The following SCN3A variants were observed in gnomAD, a reference collection of about 807,000 sequenced individuals.
SCN3A encodes the protein sodium channel protein type 3 subunit alpha.
SCN3A carries 60 observed loss-of-function variants against 187.6 expected under a neutral mutation model. That is an observed-to-expected ratio of 0.32 (90% confidence interval 0.26 to 0.40). SCN3A has a LOEUF of 0.40. SCN3A is among the 10% of genes least tolerant of loss of function. The pLI is 1.00. For synonymous variants in SCN3A, 788 were observed against 829.2 expected (o/e 0.95, Z 0.85); for missense variants, 1,601 against 2,428.2 (o/e 0.66, Z 7.16).
intron 22 of SCN3A, among the ~76,000 whole-genome samples, chr2:165,099,958 A>T (rs558788020): frequency 1.3e-5 from 2 of 152,054 alleles, no homozygotes; most frequent in African/African-American, 2.4e-5. Context: ...AGAGAAAGAA[A>T]CTCCCCACCA....
intron 1 of SCN3A, among the ~76,000 whole-genome samples, chr2:165,188,519 G>A (rs190155376): frequency 4.6e-5 from 7 of 152,306 alleles, no homozygotes; most frequent in African/African-American, 1.4e-4. Flanking sequence ...GCAGGGCGCG[G>A]TGGCTCACGC....
chr2:165,202,783 T>G (rs1246623272), intron 1 of SCN3A, among the ~76,000 whole-genome samples: 1 of 152,164 alleles, frequency 6.6e-6, no homozygotes, highest in East Asian at 1.9e-4. Context: ...ATGAAATGTT[T>G]CCATGCAAAT....
intron 2 of SCN3A, among the ~76,000 whole-genome samples, chr2:165,179,194 C>T (rs1280504598): frequency 1.3e-5 from 2 of 151,748 alleles, no homozygotes; most frequent in Non-Finnish European, 2.9e-5. Flanking sequence ...TCTTTATTGA[C>T]AATGAATGAA....
chr2:165,088,034 A>G lies in SCN3A; in HGVS notation c.*2116T>C, dbSNP rs1487243533. On this transcript the variant is annotated 3_prime_UTR_variant, in exon 28 of 28. Coordinates refer to ENST00000283254, the MANE Select transcript of SCN3A (RefSeq NM_006922.4). ...TGTTGTAAAATTCATGTAAACTTTT[A>G]TGTATACAAATGTCAGATCAAGCAC... 6.6e-6 allele frequency: 1 copy of G among 152,192 alleles called. No individual in the cohort carries two copies. Among genetic ancestry groups the G allele is most frequent in the Non-Finnish European group, 1.5e-5 (1 of 67,996 alleles). The allele number at this position is 152,192 out of a possible 1,614,324, so 9.4% of individuals were successfully genotyped here. A position where few individuals can be genotyped will look rare whatever the true frequency, so the allele number is the denominator to read the frequency against.
intron 10 of SCN3A, among the ~76,000 whole-genome samples, chr2:165,155,031 A>T (rs1334701402): frequency 6.6e-6 from 1 of 152,220 alleles, no homozygotes; most frequent in African/African-American, 2.4e-5. Context: ...TACCATCTAT[A>T]GATGACTTTT....
chr2:165,122,224 T>G (rs1392238619), intron 18 of SCN3A, among the ~76,000 whole-genome samples: 1 of 133,274 alleles, frequency 7.5e-6, no homozygotes, highest in Admixed American at 8.3e-5. Context: ...TCTTTTTTCT[T>G]TCTTTCTTTT....
At chr2:165,154,272 A>G (rs747267747) in intron 11 of SCN3A, among the ~76,000 whole-genome samples, 180 bp downstream of exon 11, 1 of 152,108 alleles carries the variant, frequency 6.6e-6, no homozygotes, top group Non-Finnish European at 1.5e-5. Flanking sequence ...TACAGTGGCT[A>G]AAAAGTTTGT....
intron 9 of SCN3A, among the ~76,000 whole-genome samples, chr2:165,159,152 G>A (rs1267300941): frequency 7.3e-6 from 1 of 137,920 alleles, no homozygotes. Flanking sequence ...ATGTGCAGTG[G>A]TAACTCCTTG....
intron 11 of SCN3A, 86 bp from the exon 12 acceptor site, chr2:165,147,115 C>T: frequency 2.0e-6 from 3 of 1,465,392 alleles, no homozygotes; most frequent in African/African-American, 2.8e-5. Context: ...ATTTAAGACT[C>T]ATTAACTACA....
Position 165,090,388 on chromosome 2 carries a change from T to G in SCN3A, c.5765A>C (p.Asn1922Thr), listed in dbSNP as rs147193145. Reference sequence around the variant, plus strand: ...CTCTTTGTTATAGTTACTTGATATATTTTTTAACCTTTGCTTTAAAAGATA... The same window carrying G: ...CTCTTTGTTATAGTTACTTGATATAGTTTTTAACCTTTGCTTTAAAAGATA... ...RCYLLKQRLK[N>T]ISSNYNKEAI... Residue 1922 changes from asparagine to threonine, a missense_variant, in exon 28 of 28, where the codon AAT becomes ACT. Physicochemically the swap from Asn to Thr is moderately conservative, Grantham distance 65. Coordinates refer to ENST00000283254, the MANE Select transcript of SCN3A (RefSeq NM_006922.4). This position sits in a 1 kb window ranked among gnomAD's most constrained non-coding sequence, Gnocchi z 4.0. 3 of 1,612,438 alleles carry G rather than the reference T, an allele frequency of 1.9e-6. No individual in the cohort carries two copies. In the African/African-American group the frequency reaches 4.0e-5, roughly 22 times the overall value.
intron 2 of SCN3A, among the ~76,000 whole-genome samples, chr2:165,180,320 A>G (rs1250237470): frequency 1.3e-5 from 2 of 152,224 alleles, no homozygotes; most frequent in Non-Finnish European, 1.5e-5. Flanking sequence ...TGAGAGTCCA[A>G]TGTGGGAGGC....
chr2:165,090,526 T>C lies in SCN3A; in HGVS notation c.5627A>G (p.Asp1876Gly), dbSNP rs1574087624. The change falls in exon 28 of 28, where the codon GAC (aspartate) becomes GGC (glycine). Residue 1876 changes from aspartate (D) to glycine (G), a missense_variant. Physicochemically the swap from Asp to Gly is moderately conservative, Grantham distance 94. Around this residue, in one of 11 missense-constraint regions of SCN3A, gnomAD observed 110 missense variants for 175.9 expected, o/e 0.63. Transcript: ENST00000283254. This position sits in a 1 kb window ranked among gnomAD's most constrained non-coding sequence, Gnocchi z 4.0. ...EMDALRIQME[D>G]RFMASNPSKV... ...GGAGGGGTTTGATGCCATAAACCTG[T>C]CTTCCATCTGTATTCGAAGGGCATC... 1.2e-6 allele frequency: 2 copies of C among 1,614,022 alleles called. No homozygotes were observed. The highest frequency in any genetic ancestry group is 1.7e-6 in the Non-Finnish European group (2 of 1,179,984).
At chr2:165,101,745 A>G (rs1685613969) in intron 21 of SCN3A, among the ~76,000 whole-genome samples, 1 of 152,226 alleles carries the variant, frequency 6.6e-6, no homozygotes, top group Admixed American at 6.5e-5. Flanking sequence ...AATGGATTTA[A>G]GTGAATCCTC....
chr2:165,093,051 A>G (rs1347558189), intron 26 of SCN3A: 2 of 152,766 alleles, frequency 1.3e-5, no homozygotes, highest in African/African-American at 2.4e-5. Flanking sequence ...CCTGTCTCTT[A>G]AAAAACAAAA....
At chr2:165,094,339 G>C in intron 26 of SCN3A, 35 bp downstream of exon 26, 1 of 1,465,494 alleles carries the variant, frequency 6.8e-7, no homozygotes, top group Non-Finnish European at 9.6e-7. Flanking sequence ...TGGACGCATG[G>C]CTTTGGAACA....
chr2:165,094,577 G>T lies in SCN3A; in HGVS notation c.4432-99C>A, dbSNP rs1396924411. ...TTTAATCTTTTCTAATTTTTAAGTGGATATTATCCTCCTACATATACATTT... is the reference window on the plus strand; with the variant it reads ...TTTAATCTTTTCTAATTTTTAAGTGTATATTATCCTCCTACATATACATTT... On this transcript the variant is annotated intron_variant, in intron 25 of 27. Coordinates refer to ENST00000283254, the MANE Select transcript of SCN3A (RefSeq NM_006922.4). The T allele has an allele frequency of 1.1e-5, 9 of 791,096 alleles. No homozygotes were observed. In the Admixed American group the frequency reaches 1.6e-4, roughly 14 times the overall value. The allele number at this position is 791,096 out of a possible 1,614,324, so 49.0% of individuals were successfully genotyped here.
chr2:165,202,231 T>TA (rs1692369123), intron 1 of SCN3A, among the ~76,000 whole-genome samples: 1 of 152,066 alleles, frequency 6.6e-6, no homozygotes, highest in South Asian at 2.1e-4. Flanking sequence ...CTGAGTGTAT[T>TA]TGCTTTTTCA....
chr2:165,176,470 G>C (rs1173376124), intron 2 of SCN3A, 26 bp from the exon 3 acceptor site: 5 of 1,584,816 alleles, frequency 3.2e-6, no homozygotes, highest in Non-Finnish European at 4.3e-6. Flanking sequence ...AATTGCACAA[G>C]AGTTAGGAAA....
At chr2:165,125,726 C>T (rs940205777) in intron 18 of SCN3A, among the ~76,000 whole-genome samples, 3 of 152,120 alleles carry the variant, frequency 2.0e-5, no homozygotes, top group African/African-American at 4.8e-5. Flanking sequence ...CTCTCCTTCA[C>T]CCCTAGTATC....
Sources: allele counts gnomAD v4.1 joint callset (sites outside exome capture counted in the v4.1 genomes callset), GRCh38; gene constraint gnomAD v4.1.1; regional missense constraint gnomAD v4.1.1; non-coding constraint Gnocchi (gnomAD v3.1); transcripts MANE v1.5; gene names NCBI Gene and HGNC (gene_info 2026-07-23, HGNC 2026-07-21).